Variants in GRHPR observed in about 807,000 individuals in gnomAD.
GRHPR encodes glyoxylate reductase/hydroxypyruvate reductase.
Under a neutral mutation model 36.8 loss-of-function variants are expected in GRHPR, and 35 were observed. The ratio of observed to expected loss-of-function variants is 0.95; its 90% CI spans 0.73 to 1.26. The LOEUF (loss-of-function observed/expected upper bound fraction) is 1.26, where lower values mean the gene tolerates loss of function less well. Ranked by LOEUF, GRHPR falls within the 50% of genes most tolerant of loss-of-function variation. GRHPR has a pLI of 0.00. For synonymous variants in GRHPR, 179 were observed against 181.0 expected (o/e 0.99, Z 0.09); for missense variants, 380 against 435.0 (o/e 0.87, Z 1.12).
chr9:37,436,635 C>CAT, intron 8 of GRHPR, 26 bp from the exon 9 acceptor site: 1 of 1,525,036 alleles, frequency 6.6e-7, no homozygotes, highest in Non-Finnish European at 9.0e-7. Context: ...TTCTTATCTC[C>CAT]CTCTCTCTCT....
intron 2 of GRHPR, among the ~76,000 whole-genome samples, chr9:37,425,543 A>C (rs1267234647): frequency 6.6e-6 from 1 of 152,238 alleles, no homozygotes; most frequent in African/African-American, 2.4e-5. Flanking sequence ...TCCTGCTTGC[A>C]GGAGAGGGTA....
chr9:37,431,870 G>T (rs1010657201), intron 7 of GRHPR, 138 bp from the exon 8 acceptor site: 6 of 857,052 alleles, frequency 7.0e-6, no homozygotes, highest in African/African-American at 3.3e-5. Flanking sequence ...CAGACATACT[G>T]TAAGTATACC....
chr9:37,436,512 G>C, intron 8 of GRHPR, 149 bp from the exon 9 acceptor site: 1 of 842,542 alleles, frequency 1.2e-6, no homozygotes. Flanking sequence ...GTCAAGCTTA[G>C]TGAAGGTGGG....
intron 8 of GRHPR, among the ~76,000 whole-genome samples, chr9:37,436,255 T>C (rs1412260611): frequency 2.0e-5 from 3 of 152,252 alleles, no homozygotes; most frequent in East Asian, 3.9e-4. Flanking sequence ...ACTATAGGTG[T>C]GGGCCACTAC....
chr9:37,422,654 T>A (rs549367153), upstream of GRHPR: 170 of 984,762 alleles, frequency 1.7e-4, 8 homozygotes, highest in South Asian at 2.2e-3. Flanking sequence ...GCGCGCGACG[T>A]CTCTCCCGCC....
intron 8 of GRHPR, among the ~76,000 whole-genome samples, chr9:37,435,749 G>A (rs571794889): frequency 1.2e-3 from 179 of 152,222 alleles, no homozygotes; most frequent in African/African-American, 4.2e-3. Flanking sequence ...AGAAGAAAAT[G>A]TACTCAATTA....
At chr9:37,435,325 A>G (rs1225329851) in intron 8 of GRHPR, among the ~76,000 whole-genome samples, 1 of 152,178 alleles carries the variant, frequency 6.6e-6, no homozygotes, top group Non-Finnish European at 1.5e-5. Flanking sequence ...TTGAGTATGT[A>G]AAGGGGTACT....
At chr9:37,430,125 G>A in intron 6 of GRHPR, 3 of 540,614 alleles carry the variant, frequency 5.5e-6, no homozygotes, top group South Asian at 4.0e-5. Context: ...GGTGGTGGGT[G>A]TGAGGAAGGG....
chr9:37,431,954 G>A (rs1823387090), intron 7 of GRHPR, 54 bp from the exon 8 acceptor site: 1 of 1,605,470 alleles, frequency 6.2e-7, no homozygotes, highest in Non-Finnish European at 8.5e-7. Context: ...TGCCTCAAAG[G>A]TGGCCTGGGC....
At chr9:37,422,941 G>A in intron 1 of GRHPR, 108 bp downstream of exon 1, 1 of 779,266 alleles carries the variant, frequency 1.3e-6, no homozygotes, top group Non-Finnish European at 2.1e-6. Context: ...TTGGAGTTTT[G>A]GGGAGTCTCG....
At chr9:37,422,667 C>A, upstream of GRHPR, 1 of 1,145,146 alleles carries the variant, frequency 8.7e-7, no homozygotes, top group Non-Finnish European at 1.3e-6. Context: ...CTCCCGCCCA[C>A]TCCAGCCTGG....
chr9:37,430,968 A>T, intron 7 of GRHPR: 1 of 505,450 alleles, frequency 2.0e-6, no homozygotes, highest in Non-Finnish European at 4.0e-6. Flanking sequence ...AAAGGGCTGG[A>T]CTTGAGGATC....
At chr9:37,426,767 G>A (rs1564297944) in intron 4 of GRHPR, 113 bp downstream of exon 4, 1 of 694,120 alleles carries the variant, frequency 1.4e-6, no homozygotes, top group Non-Finnish European at 2.7e-6. Context: ...GGCCAACATA[G>A]TGAAACCCCG....
intron 8 of GRHPR, among the ~76,000 whole-genome samples, chr9:37,435,337 T>G (rs1564304580): frequency 2.0e-5 from 3 of 152,246 alleles, no homozygotes; most frequent in Non-Finnish European, 4.4e-5. Context: ...AGGGGTACTA[T>G]ACTTCATTCC....
chr9:37,431,724 G>A (rs1337856708), intron 7 of GRHPR: 1 of 384,024 alleles, frequency 2.6e-6, no homozygotes, highest in Non-Finnish European at 5.0e-6. Flanking sequence ...TGGGAGTTAG[G>A]TGGTATTCTC....
At position 37,436,841 on chromosome 9, in the gene GRHPR, C is replaced by A. The variant is rs944892244; in HGVS notation, c.*59C>A. 3.1e-6 allele frequency: 5 copies of A among 1,592,484 alleles called. No homozygotes were observed. Among genetic ancestry groups the A allele is most frequent in the Non-Finnish European group, 3.4e-6 (4 of 1,160,772 alleles). On this transcript the variant is annotated 3_prime_UTR_variant, in exon 9 of 9. Coordinates refer to ENST00000318158, the MANE Select transcript of GRHPR (RefSeq NM_012203.2). ...CCGTGCCCTGGTATTGTCAGACACA[C>A]CCAGGCTTGATTTGGATCCACAGGC...
chr9:37,422,650 G>A, upstream of GRHPR: 1 of 941,776 alleles, frequency 1.1e-6, no homozygotes, highest in Non-Finnish European at 1.7e-6. Context: ...CGCCGCGCGC[G>A]ACGTCTCTCC....
In GRHPR at chr9:37,429,733, C is replaced by A; in HGVS notation, c.495C>A (p.Gly165=). 1 of 1,604,914 alleles carries A rather than the reference C, an allele frequency of 6.2e-7. No homozygotes were observed. Among genetic ancestry groups the A allele is most frequent in the Non-Finnish European group, 8.5e-7 (1 of 1,171,548 alleles). Residue 165 remains glycine (G), a splice_region_variant and synonymous_variant, in exon 6 of 9, where the codon GGC becomes GGA. Coordinates refer to ENST00000318158, the MANE Select transcript of GRHPR (RefSeq NM_012203.2). ...AGACATGGACTCTCCTTGCTCTAGG[C>A]CAGGCCATTGCTCGGCGTCTGAAAC... ...TVGIIGLGRI[G]QAIARRLKPF... is the part of the protein sequence containing the mutation.
chr9:37,437,390 C>CCCCT (rs1823724372), downstream of GRHPR, among the ~76,000 whole-genome samples: 1 of 152,194 alleles, frequency 6.6e-6, no homozygotes, highest in Admixed American at 6.5e-5. Context: ...AACCACCTTA[C>CCCCT]CCCTCATCTT....
Sources: allele counts gnomAD v4.1 joint callset (sites outside exome capture counted in the v4.1 genomes callset), GRCh38; gene constraint gnomAD v4.1.1; transcripts MANE v1.5; gene names NCBI Gene and HGNC (gene_info 2026-07-23, HGNC 2026-07-21).